GTPBP6: variants seen among roughly 807,000 people sequenced by gnomAD.
GTPBP6 encodes the protein putative GTP-binding protein 6.
Under a neutral mutation model 28.9 loss-of-function variants are expected in GTPBP6, and 33 were observed. That is an observed-to-expected ratio of 1.14 (90% confidence interval 0.87 to 1.53). GTPBP6 has a LOEUF of 1.53. GTPBP6 is among the 40% of genes most tolerant of loss of function. The probability of loss-of-function intolerance (pLI) is 0.00; values close to 1 mark genes in which losing one functional copy is unlikely to be tolerated. For synonymous variants in GTPBP6, 231 were observed against 192.7 expected (o/e 1.20, Z -1.65); for missense variants, 507 against 408.3 (o/e 1.24, Z -2.08).
In GTPBP6 at chrX:304,921, T is replaced by C. The variant is rs60426150; in HGVS notation, c.*153A>G. Reference sequence around the variant, plus strand: ...GCGGCCGTGTCACCGGCCTGCACGGTCATCCCAGCAAATGGCTGGGAGCGA... The same window carrying C: ...GCGGCCGTGTCACCGGCCTGCACGGCCATCCCAGCAAATGGCTGGGAGCGA... On this transcript the variant is annotated 3_prime_UTR_variant, in exon 10 of 10. Coordinates refer to ENST00000326153, the Ensembl canonical transcript of GTPBP6. 5.3e-3 allele frequency: 7,668 copies of C among 1,457,816 alleles called. 231 individuals carry two copies. The African/African-American group carries it at 0.084, about 16-fold the overall frequency. 90.3% of individuals were successfully genotyped at this position (1,457,816 alleles called of 1,614,324 possible).
chrX:307,331 C>G (rs1463863246), intron 9 of GTPBP6, 29 bp downstream of exon 9: 7 of 1,607,714 alleles, frequency 4.4e-6, no homozygotes, highest in Admixed American at 1.7e-5. Flanking sequence ...AAAGCACCAT[C>G]CCGTCTCCTG....
intron 9 of GTPBP6, among the ~76,000 whole-genome samples, chrX:305,980 T>G (rs2070154040): frequency 6.6e-6 from 1 of 151,738 alleles, no homozygotes; most frequent in South Asian, 2.1e-4. Flanking sequence ...CAGCCTGGCC[T>G]CAAACTCCTC....
chrX:308,674 T>G (rs2070222814), intron 7 of GTPBP6, among the ~76,000 whole-genome samples: 1 of 151,534 alleles, frequency 6.6e-6, no homozygotes, highest in African/African-American at 2.4e-5. Context: ...AGCGAGACCC[T>G]GTCTCTAAAG....
chrX:317,870 C>G, intron 1 of GTPBP6, among the ~76,000 whole-genome samples: 1 of 148,728 alleles, frequency 6.7e-6, no homozygotes, highest in Non-Finnish European at 1.5e-5. Flanking sequence ...CCCCATAAGC[C>G]CCGCCCTTTC....
exon 2 of GTPBP6, chrX:317,049 C>G (rs1330576450): frequency 2.5e-6 from 1 of 398,414 alleles, no homozygotes; most frequent in Non-Finnish European, 4.4e-6. Flanking sequence ...ACCTGCCACT[C>G]GGCTGCGGGG....
chrX:311,961 G>C (rs2070310149), intron 6 of GTPBP6: 1 of 561,876 alleles, frequency 1.8e-6, no homozygotes, highest in African/African-American at 1.9e-5. Flanking sequence ...GTGGGGTGGT[G>C]GTGCTGGTGT....
chrX:314,223 G>C lies in GTPBP6; in HGVS notation c.690-6C>G. 1.2e-6 allele frequency: 2 copies of C among 1,612,404 alleles called. No individual in the cohort carries two copies. Among genetic ancestry groups the C allele is most frequent in the Admixed American group, 1.7e-5 (1 of 60,010 alleles). Reference sequence around the variant, plus strand: ...CGTCCCTTTTCAAGTTCGACCTGGTGTGGGAACGGGAGTGGCTCGGTCTCT... The same window carrying C: ...CGTCCCTTTTCAAGTTCGACCTGGTCTGGGAACGGGAGTGGCTCGGTCTCT... On this transcript the variant is annotated splice_polypyrimidine_tract_variant and splice_region_variant and intron_variant, in intron 4 of 9. Coordinates refer to ENST00000326153, the Ensembl canonical transcript of GTPBP6.
intron 1 of GTPBP6, 55 bp from the exon 2 acceptor site, chrX:317,106 A>G (rs1427257113): frequency 3.0e-6 from 1 of 338,816 alleles, no homozygotes; most frequent in Non-Finnish European, 4.8e-6. Context: ...GCCCCCGTCC[A>G]CACCTGCCCG....
chrX:306,553 T>G (rs2070169983), intron 9 of GTPBP6, among the ~76,000 whole-genome samples: 1 of 151,394 alleles, frequency 6.6e-6, no homozygotes, highest in African/African-American at 2.4e-5. Flanking sequence ...AGGCAACTGT[T>G]GTATGCAGTC....
chrX:317,587 G>C (rs2070461421), intron 1 of GTPBP6, among the ~76,000 whole-genome samples: 1 of 150,210 alleles, frequency 6.7e-6, no homozygotes, highest in Non-Finnish European at 1.5e-5. Context: ...GACACAGATT[G>C]GTCCGCTGGA....
At chrX:318,300 C>G (rs1396884443) in intron 1 of GTPBP6, 139 bp downstream of exon 1, 1 of 396,830 alleles carries the variant, frequency 2.5e-6, no homozygotes, top group Non-Finnish European at 4.4e-6. Context: ...CCACAGAACC[C>G]CGCCCCTGAA....
At chrX:305,912 C>T (rs1284939341) in intron 9 of GTPBP6, among the ~76,000 whole-genome samples, 1 of 152,124 alleles carries the variant, frequency 6.6e-6, no homozygotes, top group African/African-American at 2.4e-5. Context: ...GTGTGAGCCA[C>T]CCCACCTGGG....
In GTPBP6 at chrX:315,394, G is replaced by A. The variant is rs1469060372; in HGVS notation, c.488-95C>T. On this transcript the variant is annotated intron_variant, in intron 2 of 9. Coordinates refer to ENST00000326153, the Ensembl canonical transcript of GTPBP6. ...TACCCTTTGTGGGATGCACCGCGGA[G>A]AGCTCACTTCACAGGCATCCCCGAC... 6 of 398,446 alleles carry A rather than the reference G, an allele frequency of 1.5e-5. No individual in the cohort carries two copies. The East Asian group carries it at 2.1e-4, about 14-fold the overall frequency. The allele number at this position is 398,446 out of a possible 1,614,324, so 24.7% of individuals were successfully genotyped here. A position where few individuals can be genotyped will look rare whatever the true frequency, so the allele number is the denominator to read the frequency against.
At chrX:318,330 C>A (rs1250394464) in intron 1 of GTPBP6, 109 bp downstream of exon 1, 2 of 393,322 alleles carry the variant, frequency 5.1e-6, no homozygotes, top group South Asian at 1.3e-4. Context: ...ATGAGATCGT[C>A]CCTTCAGAGC....
chrX:305,678 G>A (rs1478880589), intron 9 of GTPBP6, among the ~76,000 whole-genome samples: 1 of 148,332 alleles, frequency 6.7e-6, no homozygotes, highest in African/African-American at 2.6e-5. Flanking sequence ...AGGCTGGGGT[G>A]CAGTGGCACG....
chrX:312,126 A>T (rs1375843912), intron 6 of GTPBP6: 1 of 467,318 alleles, frequency 2.1e-6, no homozygotes, highest in African/African-American at 2.0e-5. Context: ...GTGGTGGTAT[A>T]GATGGGGCAG....
At chrX:318,321 T>C in intron 1 of GTPBP6, 118 bp downstream of exon 1, 2 of 378,796 alleles carry the variant, frequency 5.3e-6, no homozygotes, top group Non-Finnish European at 4.6e-6. Flanking sequence ...TCTCCACCTA[T>C]GAGATCGTCC....
At chrX:318,374 C>T (rs2070479435) in intron 1 of GTPBP6, 65 bp downstream of exon 1, 9 of 394,326 alleles carry the variant, frequency 2.3e-5, no homozygotes, top group South Asian at 1.3e-4. Context: ...GAGCCCCCTC[C>T]CCTCAGAGCC....
chrX:304,976 C>T (rs2070122318), exon 10 of GTPBP6: 1 of 1,537,342 alleles, frequency 6.5e-7, no homozygotes, highest in South Asian at 1.2e-5. Context: ...AAGGAGGACC[C>T]TGCTGCACCT....
Sources: gnomAD v4.1 joint callset for allele counts (sites outside exome capture counted in the v4.1 genomes callset) on GRCh38, gnomAD v4.1.1 for gene constraint, MANE v1.5 for transcripts, NCBI Gene and HGNC (gene_info 2026-07-23, HGNC 2026-07-21) for gene names.